The following GALNT13 variants were observed in gnomAD, a reference collection of about 807,000 sequenced individuals.
GALNT13 encodes the protein UDP-GalNAc:polypeptide N-acetylgalactosaminyltransferase 13.
A neutral mutation model predicts 64.2 loss-of-function variants in GALNT13; 28 were observed. That is an observed-to-expected ratio of 0.44 (90% CI 0.32 to 0.60). The LOEUF (loss-of-function observed/expected upper bound fraction) is 0.60, where lower values mean the gene tolerates loss of function less well. GALNT13 is among the 20% of genes least tolerant of loss of function. GALNT13 has a pLI of 0.05. For synonymous variants in GALNT13, 214 were observed against 224.6 expected (o/e 0.95, Z 0.42); for missense variants, 577 against 669.8 (o/e 0.86, Z 1.53).
intron 9 of GALNT13, among the ~76,000 whole-genome samples, chr2:154,367,947 T>C (rs1377513367): frequency 6.6e-6 from 1 of 152,158 alleles, no homozygotes; most frequent in Non-Finnish European, 1.5e-5. Context: ...ATAATAGAGA[T>C]TCTCACAATA....
At chr2:153,370,973 C>G in the GALNT13 span, 1 of 214,580 alleles carries the variant, frequency 4.7e-6, no homozygotes, top group African/African-American at 2.3e-5. Flanking sequence ...AGTGCCAACA[C>G]CTTGATCAGG....
rs528128256 is a variant in GALNT13 at position 154,041,121 on chromosome 2, A to C, written c.142+96482A>C. On this transcript the variant is annotated intron_variant, in intron 3 of 12. Coordinates refer to ENST00000392825, the MANE Select transcript of GALNT13 (RefSeq NM_052917.4). ...TCAGATGAATAAGGATAAGAAATTC[A>C]GGGATTATATTGTTCTTTGGTAAAA... Among the ~76,000 whole-genome samples the C allele has an allele frequency of 3.6e-5, 5 of 140,518 alleles. 1 individual carries two copies. The highest frequency in any genetic ancestry group is 8.2e-5 in the Non-Finnish European group (5 of 61,172). 92.2% of individuals were successfully genotyped at this position (140,518 alleles called of 152,430 possible).
At chr2:153,401,465 A>T in the GALNT13 span, among the ~76,000 whole-genome samples, 1 of 149,208 alleles carries the variant, frequency 6.7e-6, no homozygotes, top group East Asian at 2.0e-4. Flanking sequence ...AGCTGAGTTC[A>T]ATTCCTGGGT....
intron 3 of GALNT13, among the ~76,000 whole-genome samples, chr2:154,047,743 ATTAAC>A (rs1236945304): frequency 1.4e-4 from 22 of 152,194 alleles, no homozygotes; most frequent in South Asian, 1.0e-3. Flanking sequence ...TTATTGTGAT[ATTAAC>A]TTAAAGCAGA....
At chr2:153,917,176 GTC>G (rs1689416704) in intron 2 of GALNT13, among the ~76,000 whole-genome samples, 1 of 151,284 alleles carries the variant, frequency 6.6e-6, no homozygotes, top group African/African-American at 2.4e-5. Flanking sequence ...AAATATCCTT[GTC>G]TCTGTTTGTG....
intron 3 of GALNT13, among the ~76,000 whole-genome samples, chr2:154,086,251 T>C (rs1701519697): frequency 6.7e-6 from 1 of 148,344 alleles, no homozygotes. Context: ...TATATTTATG[T>C]TCCTACTGAG....
the GALNT13 span, among the ~76,000 whole-genome samples, chr2:153,839,079 G>A: frequency 3.3e-5 from 5 of 151,648 alleles, no homozygotes; most frequent in Non-Finnish European, 5.9e-5. Flanking sequence ...GTGTGTTGTA[G>A]TGTACGTAAA....
At chr2:153,087,298 G>C in the GALNT13 span, among the ~76,000 whole-genome samples, 1 of 152,170 alleles carries the variant, frequency 6.6e-6, no homozygotes, top group African/African-American at 2.4e-5. Context: ...ATTTGCATAT[G>C]TTAAACCACC....
the GALNT13 span, among the ~76,000 whole-genome samples, chr2:153,592,064 TTATA>T: frequency 0.23 from 34,838 of 149,444 alleles, 4,632 homozygotes; most frequent in African/African-American, 0.37. Context: ...GGTTAACAGA[TTATA>T]TATATATATA....
intron 4 of GALNT13, among the ~76,000 whole-genome samples, chr2:154,147,898 G>T (rs1683716354): frequency 1.3e-5 from 2 of 148,870 alleles, no homozygotes; most frequent in African/African-American, 2.5e-5. Context: ...TTTTTTTGCT[G>T]GGATTTTGCT....
chr2:153,748,001 A>G, the GALNT13 span, among the ~76,000 whole-genome samples: 1 of 152,168 alleles, frequency 6.6e-6, no homozygotes, highest in Non-Finnish European at 1.5e-5. Context: ...TCTTTTTGAT[A>G]TACTGAATTC....
At chr2:153,908,916 C>A (rs986693285) in intron 2 of GALNT13, among the ~76,000 whole-genome samples, 4 of 151,996 alleles carry the variant, frequency 2.6e-5, no homozygotes, top group Non-Finnish European at 5.9e-5. Context: ...ATATATTTTT[C>A]TAGTTCTGCC....
At chr2:154,192,385 G>T (rs903824190) in intron 4 of GALNT13, among the ~76,000 whole-genome samples, 1 of 152,140 alleles carries the variant, frequency 6.6e-6, no homozygotes, top group Admixed American at 6.5e-5. Flanking sequence ...AGGCCCGGGG[G>T]TGGAACCCTA....
the GALNT13 span, among the ~76,000 whole-genome samples, chr2:153,383,186 G>C: frequency 6.6e-6 from 1 of 152,010 alleles, no homozygotes; most frequent in African/African-American, 2.4e-5. Context: ...AAATAATCAG[G>C]CAGGTTTCTG....
intron 3 of GALNT13, among the ~76,000 whole-genome samples, chr2:154,028,216 A>C (rs959262764): frequency 6.6e-6 from 1 of 152,276 alleles, no homozygotes; most frequent in African/African-American, 2.4e-5. Context: ...CTTGAAGGCA[A>C]AATCATAACC....
chr2:153,215,164 A>C, the GALNT13 span, among the ~76,000 whole-genome samples: 19 of 152,136 alleles, frequency 1.2e-4, no homozygotes, highest in Admixed American at 8.5e-4. Context: ...TGTACCAGAC[A>C]TTTTCAGAAA....
At chr2:153,949,830 A>G (rs963642455) in intron 3 of GALNT13, among the ~76,000 whole-genome samples, 2 of 152,084 alleles carry the variant, frequency 1.3e-5, no homozygotes, top group Non-Finnish European at 2.9e-5. Context: ...CATTCTTTAT[A>G]TGACAGGAGA....
upstream of GALNT13, among the ~76,000 whole-genome samples, chr2:153,871,030 A>G (rs772757319): frequency 1.3e-5 from 2 of 152,124 alleles, no homozygotes; most frequent in Non-Finnish European, 2.9e-5. Context: ...ACAGGTCCCA[A>G]GTCTTTGAGA....
chr2:154,009,384 C>CT (rs1030771567), intron 3 of GALNT13, among the ~76,000 whole-genome samples: 2 of 151,424 alleles, frequency 1.3e-5, no homozygotes, highest in African/African-American at 4.9e-5. Flanking sequence ...AATTTGATGT[C>CT]TTTTTTGGTT....
Sources: gnomAD v4.1 joint callset for allele counts (sites outside exome capture counted in the v4.1 genomes callset) on GRCh38, gnomAD v4.1.1 for gene constraint, MANE v1.5 for transcripts, NCBI Gene and HGNC (gene_info 2026-07-23, HGNC 2026-07-21) for gene names.